MYO1B: variants seen among roughly 807,000 people sequenced by gnomAD.
The protein encoded by MYO1B is unconventional myosin-Ib.
Under a neutral mutation model 159.7 loss-of-function variants are expected in MYO1B, and 72 were observed. The ratio of observed to expected loss-of-function variants is 0.45; its 90% CI spans 0.37 to 0.55. MYO1B has a LOEUF of 0.55. MYO1B is among the 20% of genes least tolerant of loss of function. The probability of loss-of-function intolerance (pLI) is 0.00; values close to 1 mark genes in which losing one functional copy is unlikely to be tolerated. For missense variants in MYO1B, 1,062 were observed against 1,364.8 expected (o/e 0.78, Z 3.50); for synonymous variants, 468 against 473.8 (o/e 0.99, Z 0.16).
At chr2:191,377,405 A>T (rs1694777496) in intron 13 of MYO1B, 2 of 152,198 alleles carry the variant, frequency 1.3e-5, no homozygotes, top group Non-Finnish European at 2.9e-5. Context: ...AGAGGAGATG[A>T]GTCATTCCTG....
intron 3 of MYO1B, among the ~76,000 whole-genome samples, chr2:191,326,964 A>G (rs10206703): frequency 0.035 from 5,312 of 152,266 alleles, 304 homozygotes; most frequent in African/African-American, 0.12. Context: ...TACGTATTAT[A>G]TATTGGAAAA....
At chr2:191,322,592 G>T (rs1379946383) in intron 3 of MYO1B, among the ~76,000 whole-genome samples, 1 of 152,052 alleles carries the variant, frequency 6.6e-6, no homozygotes, top group African/African-American at 2.4e-5. Flanking sequence ...AAATTTTGGG[G>T]TGTCCCTAAG....
chr2:191,286,240 G>C (rs1688360469), intron 2 of MYO1B, among the ~76,000 whole-genome samples: 1 of 151,720 alleles, frequency 6.6e-6, no homozygotes, highest in South Asian at 2.1e-4. Flanking sequence ...ACCTAAGTCT[G>C]TTATTCACCT....
At chr2:191,252,229 C>G (rs1302505271) in intron 1 of MYO1B, among the ~76,000 whole-genome samples, 1 of 152,182 alleles carries the variant, frequency 6.6e-6, no homozygotes, top group Non-Finnish European at 1.5e-5. Flanking sequence ...ATATAGTGAG[C>G]CATCTATGAA....
intron 2 of MYO1B, among the ~76,000 whole-genome samples, chr2:191,282,783 G>GC (rs1388678756): frequency 6.6e-6 from 1 of 152,164 alleles, no homozygotes; most frequent in African/African-American, 2.4e-5. Flanking sequence ...AATCTTTAAT[G>GC]CCACCTCCAA....
chr2:191,247,466 TGTG>T, intron 1 of MYO1B, among the ~76,000 whole-genome samples: 1 of 152,292 alleles, frequency 6.6e-6, no homozygotes, highest in Middle Eastern at 3.4e-3. Context: ...TCGTGGGGGA[TGTG>T]GTCAAATTTT....
intron 1 of MYO1B, among the ~76,000 whole-genome samples, chr2:191,251,043 A>T (rs1686080928): frequency 6.6e-6 from 1 of 152,036 alleles, no homozygotes; most frequent in Non-Finnish European, 1.5e-5. Context: ...AATTGGTTGA[A>T]CTGCTTCTCA....
At chr2:191,271,810 G>A (rs1437324641) in intron 1 of MYO1B, among the ~76,000 whole-genome samples, 4 of 152,118 alleles carry the variant, frequency 2.6e-5, no homozygotes, top group Non-Finnish European at 5.9e-5. Context: ...TTGAATAGTG[G>A]AATTACCATG....
chr2:191,279,940 G>A (rs1008583623), intron 2 of MYO1B, among the ~76,000 whole-genome samples: 2 of 152,140 alleles, frequency 1.3e-5, no homozygotes, highest in Non-Finnish European at 2.9e-5. Flanking sequence ...TTTGAACTCT[G>A]GATCTGGATA....
At chr2:191,359,004 T>A (rs1693485442) in intron 7 of MYO1B, among the ~76,000 whole-genome samples, 2 of 152,380 alleles carry the variant, frequency 1.3e-5, no homozygotes, top group Admixed American at 1.3e-4. Context: ...TTATATTTTT[T>A]ATGTAATCAA....
chr2:191,359,762 G>T (rs570873309), intron 7 of MYO1B, among the ~76,000 whole-genome samples: 1 of 152,302 alleles, frequency 6.6e-6, no homozygotes, highest in East Asian at 1.9e-4. Flanking sequence ...TCTAGAATTA[G>T]TGCTCAATAA....
At position 191,425,192 on chromosome 2, in the gene MYO1B, T is replaced by G. The variant is rs1353848329; in HGVS notation, c.*1232T>G. 1 of 152,108 alleles carries G rather than the reference T, an allele frequency of 6.6e-6. No homozygotes were observed. 9.4% of individuals were successfully genotyped at this position (152,108 alleles called of 1,614,324 possible). ...TGAATCACAACTGTATTTTTGTATC[T>G]CAAGCTATTTTCATATGTTGTGTGT... On this transcript the variant is annotated 3_prime_UTR_variant, in exon 31 of 31. Coordinates refer to ENST00000392318, the MANE Select transcript of MYO1B (RefSeq NM_001130158.3).
At chr2:191,288,077 G>A (rs1209108577) in intron 2 of MYO1B, among the ~76,000 whole-genome samples, 7 of 151,890 alleles carry the variant, frequency 4.6e-5, no homozygotes, top group African/African-American at 7.3e-5. Context: ...TCCATTGTAC[G>A]TATCTACATT....
chr2:191,334,907 C>T (rs145110746), intron 4 of MYO1B, among the ~76,000 whole-genome samples: 259 of 152,252 alleles, frequency 1.7e-3, no homozygotes, highest in African/African-American at 5.9e-3. Flanking sequence ...GCAAAACAAG[C>T]AACCAAATTA....
intron 7 of MYO1B, among the ~76,000 whole-genome samples, chr2:191,357,164 G>A (rs1302465625): frequency 6.6e-6 from 1 of 151,328 alleles, no homozygotes; most frequent in South Asian, 2.1e-4. Context: ...TTTTCTTCCC[G>A]ACCAATACAT....
chr2:191,424,014 G>T lies in MYO1B; in HGVS notation c.*54G>T. On this transcript the variant is annotated 3_prime_UTR_variant, in exon 31 of 31. Transcript: ENST00000392318. Reference sequence around the variant, plus strand: ...TTGTTCCTTTGTAATAGTGCAATTTGGTTTTGTTTTATTTGGGGTTCATTG... The same window carrying T: ...TTGTTCCTTTGTAATAGTGCAATTTTGTTTTGTTTTATTTGGGGTTCATTG... 3.2e-6 allele frequency: 5 copies of T among 1,551,478 alleles called. No homozygotes were observed. Among genetic ancestry groups the T allele is most frequent in the South Asian group, 1.3e-5 (1 of 78,988 alleles).
At chr2:191,294,280 A>G (rs991550322) in intron 2 of MYO1B, among the ~76,000 whole-genome samples, 1 of 152,226 alleles carries the variant, frequency 6.6e-6, no homozygotes, top group Non-Finnish European at 1.5e-5. Context: ...TTTGGTTTTA[A>G]AGAGCAACTC....
chr2:191,324,274 T>G (rs768246357), intron 3 of MYO1B, among the ~76,000 whole-genome samples: 4 of 152,176 alleles, frequency 2.6e-5, no homozygotes, highest in Non-Finnish European at 5.9e-5. Context: ...ATTTAATTTG[T>G]CATTCAATTA....
chr2:191,355,727 C>G (rs1693233112), intron 7 of MYO1B, among the ~76,000 whole-genome samples: 1 of 152,218 alleles, frequency 6.6e-6, no homozygotes, highest in Non-Finnish European at 1.5e-5. Flanking sequence ...CTGCAAATCT[C>G]ACTGCTCAGC....
Sources: allele counts gnomAD v4.1 joint callset (sites outside exome capture counted in the v4.1 genomes callset), GRCh38; gene constraint gnomAD v4.1.1; transcripts MANE v1.5; gene names NCBI Gene and HGNC (gene_info 2026-07-23, HGNC 2026-07-21).